Variants in PER3 observed in about 807,000 individuals in gnomAD.
The protein encoded by PER3 is period circadian regulator 3.
Under a neutral mutation model 127.2 loss-of-function variants are expected in PER3, and 107 were observed. The observed-to-expected ratio is 0.84, with a 90% CI of 0.72 to 0.99. The LOEUF (loss-of-function observed/expected upper bound fraction) is 0.99, where lower values mean the gene tolerates loss of function less well. Among genes scored for constraint, PER3 ranks in the 50% least tolerant of loss-of-function variants. The pLI, the probability that PER3 is intolerant of heterozygous loss-of-function variation, is 0.00. For synonymous variants in PER3, 618 were observed against 585.8 expected (o/e 1.05, Z -0.79); for missense variants, 1,560 against 1,525.8 (o/e 1.02, Z -0.37).
chr1:7,838,539 G>T (rs1227004894), intron 21 of PER3, among the ~76,000 whole-genome samples: 1 of 152,170 alleles, frequency 6.6e-6, no homozygotes, highest in Non-Finnish European at 1.5e-5. Flanking sequence ...CTCCAGAGTA[G>T]GTGGGATTGC....
intron 16 of PER3, among the ~76,000 whole-genome samples, chr1:7,822,834 A>C (rs2097283615): frequency 6.6e-6 from 1 of 152,094 alleles, no homozygotes; most frequent in Non-Finnish European, 1.5e-5. Context: ...CAAGGAGGTA[A>C]GATTGCTTGA....
At chr1:7,799,097 C>G (rs2097158594) in intron 7 of PER3, among the ~76,000 whole-genome samples, 1 of 152,284 alleles carries the variant, frequency 6.6e-6, no homozygotes, top group African/African-American at 2.4e-5. Flanking sequence ...ACGAGCAGAA[C>G]TATATTTCTA....
intron 6 of PER3, among the ~76,000 whole-genome samples, chr1:7,795,052 G>C (rs2097139181): frequency 6.6e-6 from 1 of 152,040 alleles, no homozygotes; most frequent in African/African-American, 2.4e-5. Flanking sequence ...TAATATTCCA[G>C]TACTCCATGG....
chr1:7,825,042 CT>C (rs577476334), intron 16 of PER3, among the ~76,000 whole-genome samples: 405 of 144,340 alleles, frequency 2.8e-3, no homozygotes, highest in Admixed American at 2.4e-3. Context: ...TATATTTTGG[CT>C]TTTTTTTTTT....
At chr1:7,803,664 C>A in intron 9 of PER3, 28 bp from the exon 10 acceptor site, 2 of 1,405,634 alleles carry the variant, frequency 1.4e-6, no homozygotes, top group Non-Finnish European at 2.0e-6. Context: ...TTAAGTAAAT[C>A]CTATTTTTGT....
Position 7,819,427 on chromosome 1 carries a change from G to T in PER3, c.1658+7G>T, listed in dbSNP as rs200733001. The T allele has an allele frequency of 4.1e-4, 660 of 1,613,380 alleles. 6 individuals are homozygous for T. The highest frequency in any genetic ancestry group is 1.6e-4 in the Middle Eastern group (1 of 6,082). ...GTATCGACAGTGTCATCAGGTATGA[G>T]ACCGCAAGTTTGGATACCATGTAAG... On this transcript the variant is annotated splice_region_variant and intron_variant, in intron 14 of 21. Transcript: ENST00000377532.
intron 16 of PER3, among the ~76,000 whole-genome samples, chr1:7,820,976 T>C (rs936784902): frequency 1.3e-5 from 2 of 152,226 alleles, no homozygotes; most frequent in African/African-American, 4.8e-5. Context: ...GTTACTTCCT[T>C]GCTGACTTTC....
chr1:7,839,828 A>T (rs2097375870), intron 21 of PER3, among the ~76,000 whole-genome samples: 1 of 151,962 alleles, frequency 6.6e-6, no homozygotes, highest in Admixed American at 6.6e-5. Context: ...CTTTGACTGC[A>T]CGGTATTTAA....
At chr1:7,792,651 C>T (rs2150526513) in intron 5 of PER3, among the ~76,000 whole-genome samples, 1 of 152,320 alleles carries the variant, frequency 6.6e-6, no homozygotes, top group South Asian at 2.1e-4. Context: ...TTACTTTGAG[C>T]ACATAGAACA....
intron 13 of PER3, chr1:7,810,801 T>C (rs1577788086): frequency 5.2e-6 from 2 of 384,614 alleles, no homozygotes; most frequent in East Asian, 8.0e-5. Context: ...TTAGAATGTA[T>C]TTGTAACAGT....
At position 7,807,285 on chromosome 1, in the gene PER3, T is replaced by C. The variant is rs116315857; in HGVS notation, c.1137-1608T>C. 1.7e-3 allele frequency among the ~76,000 whole-genome samples: 257 copies of C among 152,326 alleles called. 1 individual carries two copies. Among genetic ancestry groups the C allele is most frequent in the African/African-American group, 6.0e-3 (249 of 41,572 alleles). On this transcript the variant is annotated intron_variant, in intron 10 of 21. Coordinates refer to ENST00000377532, the MANE Select transcript of PER3 (RefSeq NM_001377275.1). ...GTACCTGACGCCATGCAGATAGATA[T>C]TGATCTAGATACAGTCTAGATGCTA...
intron 21 of PER3, among the ~76,000 whole-genome samples, 165 bp downstream of exon 21, chr1:7,837,314 TTA>T (rs1267309926): frequency 3.3e-5 from 5 of 152,236 alleles, no homozygotes. Context: ...AACAAGCAGG[TTA>T]TACACATGTG....
Position 7,843,811 on chromosome 1 carries a change from G to A in PER3, c.*1056G>A, listed in dbSNP as rs925869332. On this transcript the variant is annotated 3_prime_UTR_variant, in exon 22 of 22. Coordinates refer to ENST00000377532, the MANE Select transcript of PER3 (RefSeq NM_001377275.1). Reference sequence around the variant, plus strand: ...GGTCCTGCAGGCTCCATCAGTCACCGCTTTCTATGGCGTTTGTAGTTGTGT... The same window carrying A: ...GGTCCTGCAGGCTCCATCAGTCACCACTTTCTATGGCGTTTGTAGTTGTGT... 18 of 806,144 alleles carry A rather than the reference G, an allele frequency of 2.2e-5. No individual in the cohort carries two copies. The East Asian group carries it at 8.7e-4, about 39-fold the overall frequency. 49.9% of individuals were successfully genotyped at this position (806,144 alleles called of 1,614,324 possible).
At chr1:7,787,714 A>C (rs1341433720) in intron 4 of PER3, 2 of 362,820 alleles carry the variant, frequency 5.5e-6, no homozygotes, top group Non-Finnish European at 1.1e-5. Context: ...AAAGCATAGA[A>C]TCTGCGTTGA....
At chr1:7,820,352 C>T in intron 15 of PER3, 113 bp downstream of exon 15, 1 of 1,402,752 alleles carries the variant, frequency 7.1e-7, no homozygotes, top group Non-Finnish European at 9.8e-7. Flanking sequence ...CATATTACCT[C>T]TTTATGACAG....
At chr1:7,811,276 T>C (rs2097217960) in intron 13 of PER3, among the ~76,000 whole-genome samples, 1 of 152,216 alleles carries the variant, frequency 6.6e-6, no homozygotes, top group African/African-American at 2.4e-5. Flanking sequence ...ACCTCTATCA[T>C]TGTCAAATGT....
chr1:7,842,834 A>G lies in PER3; in HGVS notation c.*79A>G. The G allele has an allele frequency of 2.5e-6, 3 of 1,205,958 alleles. No individual in the cohort carries two copies. The highest frequency in any genetic ancestry group is 3.5e-6 in the Non-Finnish European group (3 of 850,360). 74.7% of individuals were successfully genotyped at this position (1,205,958 alleles called of 1,614,324 possible). A position where few individuals can be genotyped will look rare whatever the true frequency, so the allele number is the denominator to read the frequency against. On this transcript the variant is annotated 3_prime_UTR_variant, in exon 22 of 22. Transcript: ENST00000377532. ...ACCTTTTTAAGTCCTGGACTTTTAAATGACCATGAAGTTATCATTGAATGT... is the reference window on the plus strand; with the variant it reads ...ACCTTTTTAAGTCCTGGACTTTTAAGTGACCATGAAGTTATCATTGAATGT...
rs2097269785 is a variant in PER3 at position 7,820,216 on chromosome 1, C to T, written c.1760C>T (p.Ala587Val). Reference protein sequence around the residue: ...SSEEDKQNHKADDVQALQAGL... With the variant: ...SSEEDKQNHKVDDVQALQAGL... ...GAAGAAGACAAACAGAACCACAAGG[C>T]AGATGATGTCCAAGCCTTACAAGGT... The change falls in exon 15 of 22, where the codon GCA becomes GTA. Residue 587 changes from alanine to valine, a missense_variant. Physicochemically the swap from Ala to Val is moderately conservative, Grantham distance 64. This residue lies in a region of PER3 where 1,332 missense variants were observed against 1,223.6 expected (regional missense o/e 1.09). Transcript: ENST00000377532. The T allele has an allele frequency of 3.1e-6, 5 of 1,613,820 alleles. No individual in the cohort carries two copies. The East Asian group carries it at 1.1e-4, about 36-fold the overall frequency.
At chr1:7,788,363 T>G (rs988259064) in intron 5 of PER3, 117 bp downstream of exon 5, 4 of 712,164 alleles carry the variant, frequency 5.6e-6, no homozygotes, top group Non-Finnish European at 9.4e-6. Context: ...TGGTTTTTCT[T>G]ATTCCTGTTA....
Sources: allele counts gnomAD v4.1 joint callset (sites outside exome capture counted in the v4.1 genomes callset), GRCh38; gene constraint gnomAD v4.1.1; regional missense constraint gnomAD v4.1.1; transcripts MANE v1.5; gene names NCBI Gene and HGNC (gene_info 2026-07-23, HGNC 2026-07-21).